The following ADCK1 variants were observed in gnomAD, a reference collection of about 807,000 sequenced individuals.
ADCK1 encodes the protein aarF domain containing kinase 1.
ADCK1 carries 41 observed loss-of-function variants against 52.3 expected under a neutral mutation model. The observed-to-expected ratio is 0.78, with a 90% confidence interval of 0.61 to 1.02. ADCK1 has a LOEUF of 1.02. ADCK1 is among the 50% of genes least tolerant of loss of function. The pLI is 0.00. For missense variants in ADCK1, 658 were observed against 679.5 expected, an observed-to-expected ratio of 0.97 and a Z score of 0.35; for synonymous variants, 250 against 274.6, an observed-to-expected ratio of 0.91 and a Z score of 0.89.
intron 3 of ADCK1, among the ~76,000 whole-genome samples, chr14:77,826,083 G>A (rs1402374851): frequency 6.6e-6 from 1 of 152,190 alleles, no homozygotes; most frequent in Non-Finnish European, 1.5e-5. Flanking sequence ...TGACAGTTTT[G>A]GGGAATGCAG....
intron 3 of ADCK1, among the ~76,000 whole-genome samples, chr14:77,858,483 A>C (rs1594952041): frequency 6.6e-6 from 1 of 151,910 alleles, no homozygotes; most frequent in African/African-American, 2.4e-5. Flanking sequence ...CTCATGATCC[A>C]CCTGCCTTGG....
intron 6 of ADCK1, among the ~76,000 whole-genome samples, chr14:77,905,925 A>G (rs2083656184): frequency 6.6e-6 from 1 of 152,348 alleles, no homozygotes; most frequent in South Asian, 2.1e-4. Context: ...TCAGTTTCAC[A>G]GATTTCTCTA....
intron 3 of ADCK1, among the ~76,000 whole-genome samples, chr14:77,855,781 G>C (rs115310770): frequency 0.045 from 6,831 of 152,204 alleles, 315 homozygotes; most frequent in African/African-American, 0.11. Flanking sequence ...TCTAGTCTGC[G>C]TGGCAGAATC....
intron 3 of ADCK1, among the ~76,000 whole-genome samples, chr14:77,849,484 G>A (rs755670616): frequency 2.0e-5 from 3 of 151,784 alleles, no homozygotes; most frequent in African/African-American, 4.8e-5. Context: ...CTTTGTTGCT[G>A]AGGCTGGAGT....
At chr14:77,897,080 AAG>A (rs2140233692) in intron 5 of ADCK1, among the ~76,000 whole-genome samples, 1 of 152,290 alleles carries the variant, frequency 6.6e-6, no homozygotes, top group South Asian at 2.1e-4. Context: ...GGGGCTCAGT[AAG>A]TCTTTCTGGA....
In ADCK1 at chr14:77,899,272, T is replaced by G. The variant is rs568038055; in HGVS notation, c.741+14T>G. ...GACTTCTTGAAGGTAGGTGGGACGA[T>G]GCAATGCAGGGTATGGTGGTCTGGT... On this transcript the variant is annotated intron_variant, in intron 6 of 10. Transcript: ENST00000238561. The G allele has an allele frequency of 1.2e-6, 2 of 1,613,838 alleles. No homozygotes were observed. Among genetic ancestry groups the G allele is most frequent in the East Asian group, 4.5e-5 (2 of 44,874 alleles).
chr14:77,888,335 G>A (rs973646183), intron 5 of ADCK1, among the ~76,000 whole-genome samples: 1 of 152,136 alleles, frequency 6.6e-6, no homozygotes, highest in Non-Finnish European at 1.5e-5. Context: ...GACAGAACAC[G>A]GGGGGTTTGT....
chr14:77,898,489 G>A (rs2083458572), intron 5 of ADCK1, among the ~76,000 whole-genome samples: 1 of 152,152 alleles, frequency 6.6e-6, no homozygotes. Flanking sequence ...GTCCTTTGCA[G>A]GGTCATGGAT....
At chr14:77,924,368 T>G (rs928337919) in intron 7 of ADCK1, 89 bp from the exon 8 acceptor site, 29 of 1,539,984 alleles carry the variant, frequency 1.9e-5, no homozygotes, top group Middle Eastern at 1.8e-4. Context: ...GGCCTCCCCT[T>G]AAAAGTGACC....
chr14:77,878,241 CAT>C (rs561725339), intron 4 of ADCK1, among the ~76,000 whole-genome samples: 36 of 152,352 alleles, frequency 2.4e-4, no homozygotes, highest in African/African-American at 8.7e-4. Flanking sequence ...ACTTAGTAAA[CAT>C]ATGTTGGATA....
chr14:77,807,173 A>G lies in ADCK1; in HGVS notation c.-12+7003A>G, dbSNP rs796699442. ...AAGCTCCGCCTCCCGGGTCCACGCC[A>G]TTCTCCTGCCTCAGCCTCCCAAGTA... is the stretch of plus-strand genomic sequence containing the variant. On this transcript the variant is annotated intron_variant, in intron 1 of 10. Coordinates refer to ENST00000238561, the MANE Select transcript of ADCK1 (RefSeq NM_020421.4). Among the ~76,000 whole-genome samples the G allele has an allele frequency of 6.7e-4, 92 of 136,334 alleles. 4 individuals carry two copies. The highest frequency in any genetic ancestry group is 4.7e-3 in the Middle Eastern group (1 of 214). 89.4% of individuals were successfully genotyped at this position (136,334 alleles called of 152,430 possible). A position where few individuals can be genotyped will look rare whatever the true frequency, so the allele number is the denominator to read the frequency against.
At chr14:77,929,884 C>G (rs1021600960) in intron 9 of ADCK1, among the ~76,000 whole-genome samples, 1 of 152,130 alleles carries the variant, frequency 6.6e-6, no homozygotes, top group Non-Finnish European at 1.5e-5. Context: ...CCAGGCTGGT[C>G]TCGAACTCCT....
At chr14:77,866,177 T>C (rs2082656357) in intron 4 of ADCK1, among the ~76,000 whole-genome samples, 1 of 152,196 alleles carries the variant, frequency 6.6e-6, no homozygotes, top group Non-Finnish European at 1.5e-5. Context: ...CTTTTCAGAA[T>C]ATGAGACTGA....
At position 77,933,367 on chromosome 14, in the gene ADCK1, C is replaced by T. The variant is rs746988905; in HGVS notation, c.1548C>T (p.Cys516=). The T allele has an allele frequency of 4.3e-6, 7 of 1,614,000 alleles. No homozygotes were observed. The highest frequency in any genetic ancestry group is 5.9e-6 in the Non-Finnish European group (7 of 1,180,042). Residue 516 remains cysteine, a synonymous_variant, in exon 11 of 11, where the codon TGC becomes TGT. Transcript: ENST00000238561. The part of the protein sequence containing the change: ...KLADRVLALI[C]WLFPAPL ...CTGACCGGGTCTTGGCCCTAATATG[C>T]TGGCTGTTCCCTGCTCCACTCTGAG...
rs376706592 is a variant in ADCK1 at position 77,891,598 on chromosome 14, A to G, written c.582+4349A>G. Among the ~76,000 whole-genome samples the G allele has an allele frequency of 2.8e-4, 42 of 152,348 alleles. 1 individual carries two copies. In the East Asian group the frequency reaches 4.8e-3, roughly 17 times the overall value. Reference sequence around the variant, plus strand: ...ATCACATGCTTTTCTTGGGAAGCACAGCCTGGCAGGCTGTGTGCAGAGTAC... The same window carrying G: ...ATCACATGCTTTTCTTGGGAAGCACGGCCTGGCAGGCTGTGTGCAGAGTAC... On this transcript the variant is annotated intron_variant, in intron 5 of 10. Coordinates refer to ENST00000238561, the MANE Select transcript of ADCK1 (RefSeq NM_020421.4).
rs1239637414 is a variant in ADCK1 at position 77,899,214 on chromosome 14, G to A, written c.697G>A (p.Ala233Thr). The change falls in exon 6 of 11, where the codon GCT (alanine) becomes ACT (threonine). Residue 233 changes from alanine to threonine, a missense_variant. Coordinates refer to ENST00000238561, the MANE Select transcript of ADCK1 (RefSeq NM_020421.4). ...GGATTTCCTCAATGAAGGGAGGAAT[G>A]CTGAGAAGGTGTCCCAGATGCTCAG... is the stretch of plus-strand genomic sequence containing the variant. ...ELDFLNEGRN[A>T]EKVSQMLRHF... The A allele has an allele frequency of 6.2e-7, 1 of 1,614,166 alleles. No individual in the cohort carries two copies. The highest frequency in any genetic ancestry group is 1.7e-5 in the Admixed American group (1 of 60,030).
intron 7 of ADCK1, chr14:77,908,121 G>A: frequency 2.1e-6 from 1 of 473,530 alleles, no homozygotes. Flanking sequence ...ACAGCGGCCT[G>A]CAGGGACATG....
rs757550692 is a variant in ADCK1, at chr14:77,933,249, T to A, written c.1430T>A (p.Phe477Tyr). ...AAGAAGAAGAATACCTGTTCATTCT[T>A]CAGAAGGACCCAGATCTCTTTCAGC... ...EHKKKNTCSF[F>Y]RRTQISFSEA... is the part of the protein sequence containing the mutation. Residue 477 changes from phenylalanine to tyrosine, a missense_variant, in exon 11 of 11, where the codon TTC becomes TAC. Physicochemically the swap from Phe to Tyr is conservative, Grantham distance 22. Transcript: ENST00000238561. 1.1e-5 allele frequency: 18 copies of A among 1,614,174 alleles called. No homozygotes were observed. The highest frequency in any genetic ancestry group is 1.5e-5 in the Non-Finnish European group (18 of 1,180,006).
At position 77,807,025 on chromosome 14, in the gene ADCK1, ACTCT is replaced by A. The variant is rs1257961169; in HGVS notation, c.-12+6866_-12+6869del. Among the ~76,000 whole-genome samples the A allele has an allele frequency of 2.1e-4, 25 of 118,156 alleles. 1 individual carries two copies. In the Admixed American group the frequency reaches 2.2e-3, roughly 10 times the overall value. The allele number at this position is 118,156 out of a possible 152,430, so 77.5% of individuals were successfully genotyped here. ...CCACTGCGCCCGGCCTAAGATAGCC[ACTCT>A]CTCTCTCTCTTTTTTTTTTTTTTTT... On this transcript the variant is annotated intron_variant, in intron 1 of 10. Transcript: ENST00000238561.
Sources: allele counts gnomAD v4.1 joint callset (sites outside exome capture counted in the v4.1 genomes callset), GRCh38; gene constraint gnomAD v4.1.1; transcripts MANE v1.5; gene names NCBI Gene and HGNC (gene_info 2026-07-23, HGNC 2026-07-21).